Variants in MED13L observed in about 807,000 individuals in gnomAD.
The protein encoded by MED13L is mediator of RNA polymerase II transcription subunit 13-like.
A neutral mutation model predicts 220.9 loss-of-function variants in MED13L; 7 were observed. That is an observed-to-expected ratio of 0.03 (90% confidence interval 0.02 to 0.06). MED13L has a LOEUF of 0.06. Among genes scored for constraint, MED13L ranks in the 10% least tolerant of loss-of-function variants. The probability of loss-of-function intolerance (pLI) is 1.00; values close to 1 mark genes in which losing one functional copy is unlikely to be tolerated. For missense variants in MED13L, 1,965 were observed against 2,760.5 expected (o/e 0.71, Z 6.46); for synonymous variants, 1,011 against 1,015.2 (o/e 1.00, Z 0.08).
At chr12:115,990,776 A>G (rs762828437) in intron 17 of MED13L, among the ~76,000 whole-genome samples, 5 of 152,198 alleles carry the variant, frequency 3.3e-5, no homozygotes, top group Non-Finnish European at 5.9e-5. Flanking sequence ...TAGACTGCTT[A>G]CTTATGAGTT....
At chr12:116,131,733 C>T (rs1876083197) in intron 2 of MED13L, among the ~76,000 whole-genome samples, 1 of 152,196 alleles carries the variant, frequency 6.6e-6, no homozygotes, top group Non-Finnish European at 1.5e-5. Flanking sequence ...AATCCCAGCA[C>T]TTTGGGAGGC....
intron 2 of MED13L, among the ~76,000 whole-genome samples, chr12:116,225,044 G>C (rs556649530): frequency 6.6e-6 from 1 of 152,094 alleles, no homozygotes; most frequent in East Asian, 1.9e-4. Context: ...GCATCCTCTC[G>C]TACACCATTT....
intron 2 of MED13L, among the ~76,000 whole-genome samples, chr12:116,210,562 T>TAC (rs1259551654): frequency 8.6e-6 from 1 of 116,316 alleles, no homozygotes; most frequent in Non-Finnish European, 2.1e-5. Flanking sequence ...TATATATATA[T>TAC]ATATATATAT....
rs1450547003 is a variant in MED13L, at chr12:116,019,407, C to T, written c.826G>A (p.Val276Ile). Residue 276 changes from valine (V) to isoleucine (I), a missense_variant, in exon 7 of 31, where the codon GTT becomes ATT. By Grantham distance (29) the Val-to-Ile change is conservative (BLOSUM62 3). Around this residue, in one of 10 missense-constraint regions of MED13L, gnomAD observed 818 missense variants for 1,041.2 expected, o/e 0.79. Transcript: ENST00000281928. ...PVAVEVIVGG[V>I]RMVYPSAFVL... is the part of the protein sequence containing the mutation. ...AATGCTGAAGGGTAAACCATCCGAA[C>T]ACCACCTATAAGCAAAGAGAACAAG... The T allele has an allele frequency of 1.2e-6, 2 of 1,613,714 alleles. No homozygotes were observed. Among genetic ancestry groups the T allele is most frequent in the African/African-American group, 2.7e-5 (2 of 74,910 alleles).
intron 2 of MED13L, among the ~76,000 whole-genome samples, chr12:116,193,206 G>T (rs1593150738): frequency 6.6e-6 from 1 of 152,166 alleles, no homozygotes; most frequent in Non-Finnish European, 1.5e-5. Context: ...AGCTGCTTGG[G>T]AGGCTGAAGT....
intron 2 of MED13L, among the ~76,000 whole-genome samples, chr12:116,123,091 C>T (rs1164143752): frequency 1.3e-5 from 2 of 152,122 alleles, no homozygotes; most frequent in Non-Finnish European, 2.9e-5. Flanking sequence ...AAATGATTAA[C>T]ATGCTCTTAA....
At chr12:115,996,130 G>T (rs759875926) in intron 16 of MED13L, among the ~76,000 whole-genome samples, 1 of 151,438 alleles carries the variant, frequency 6.6e-6, no homozygotes, top group African/African-American at 2.4e-5. Context: ...TCACTCTGTC[G>T]CCCAGGCTGG....
intron 2 of MED13L, among the ~76,000 whole-genome samples, chr12:116,165,353 C>T (rs1027690526): frequency 4.1e-4 from 56 of 136,542 alleles, no homozygotes; most frequent in African/African-American, 1.1e-3. Context: ...ATTTTTGAGA[C>T]GGAGTCTCAC....
At chr12:116,061,550 T>C (rs995942653) in intron 4 of MED13L, among the ~76,000 whole-genome samples, 1 of 152,176 alleles carries the variant, frequency 6.6e-6, no homozygotes, top group Non-Finnish European at 1.5e-5. Flanking sequence ...AAATAAGTGA[T>C]AACCTTCAGG....
At chr12:116,250,025 T>TAAAAAAA (rs71095516) in intron 1 of MED13L, among the ~76,000 whole-genome samples, 53 of 40,450 alleles carry the variant, frequency 1.3e-3, no homozygotes, top group African/African-American at 1.6e-3. Flanking sequence ...CAGCATAAAC[T>TAAAAAAA]AAAAAAAAAA....
intron 2 of MED13L, among the ~76,000 whole-genome samples, chr12:116,210,695 C>G (rs1463741546): frequency 6.6e-6 from 1 of 150,748 alleles, no homozygotes; most frequent in Non-Finnish European, 1.5e-5. Flanking sequence ...TACACAAAAG[C>G]AATAAAGAAT....
intron 2 of MED13L, chr12:116,174,754 T>C (rs1258195102): frequency 1.3e-5 from 2 of 152,228 alleles, no homozygotes; most frequent in Admixed American, 6.5e-5. Context: ...ATAAAATACA[T>C]GTGTAAACTT....
chr12:116,218,338 T>C (rs1008282779), intron 2 of MED13L, among the ~76,000 whole-genome samples: 5 of 152,196 alleles, frequency 3.3e-5, no homozygotes, highest in Non-Finnish European at 7.3e-5. Context: ...CTTCTAAATA[T>C]AACAAAGTCA....
At chr12:116,179,727 A>G (rs1158091842) in intron 2 of MED13L, among the ~76,000 whole-genome samples, 2 of 152,080 alleles carry the variant, frequency 1.3e-5, no homozygotes, top group African/African-American at 2.4e-5. Context: ...AAAGAATAGA[A>G]GAAAGAAAAA....
At chr12:116,061,113 T>C (rs1397364837) in intron 4 of MED13L, among the ~76,000 whole-genome samples, 1 of 152,236 alleles carries the variant, frequency 6.6e-6, no homozygotes, top group Non-Finnish European at 1.5e-5. Flanking sequence ...GACTATAGAT[T>C]ACTTTTCTCA....
rs1224012787 is a variant in MED13L at position 116,206,157 on chromosome 12, T to C, written c.310+31311A>G. Among the ~76,000 whole-genome samples the C allele has an allele frequency of 4.2e-5, 6 of 142,120 alleles. No homozygotes were observed. The Admixed American group carries it at 4.4e-4, about 11-fold the overall frequency. 93.2% of individuals were successfully genotyped at this position (142,120 alleles called of 152,430 possible). On this transcript the variant is annotated intron_variant, in intron 2 of 30. Coordinates refer to ENST00000281928, the MANE Select transcript of MED13L (RefSeq NM_015335.5). Reference sequence around the variant, plus strand: ...GTACAGTGGCGTGATCTTGGCTCACTGCGACCTCCTCCTCCTGGGTTCAAG... The same window carrying C: ...GTACAGTGGCGTGATCTTGGCTCACCGCGACCTCCTCCTCCTGGGTTCAAG...
chr12:116,039,372 T>C (rs2137535468), intron 4 of MED13L, among the ~76,000 whole-genome samples: 1 of 152,294 alleles, frequency 6.6e-6, no homozygotes, highest in East Asian at 1.9e-4. Flanking sequence ...AAAAGAGAAA[T>C]AAAATTGGAG....
intron 2 of MED13L, among the ~76,000 whole-genome samples, chr12:116,228,705 A>T (rs1219233637): frequency 1.3e-5 from 2 of 152,184 alleles, no homozygotes; most frequent in African/African-American, 4.8e-5. Context: ...AGAAGGTGTT[A>T]TTCCCTATAA....
intron 2 of MED13L, among the ~76,000 whole-genome samples, chr12:116,212,136 G>A (rs1442607805): frequency 6.7e-6 from 1 of 150,278 alleles, no homozygotes; most frequent in Non-Finnish European, 1.5e-5. Flanking sequence ...AACAAAATCA[G>A]GTTTTTTTCC....
Sources: gnomAD v4.1 joint callset for allele counts (sites outside exome capture counted in the v4.1 genomes callset) on GRCh38, gnomAD v4.1.1 for gene constraint, gnomAD v4.1.1 regional missense constraint, MANE v1.5 for transcripts, NCBI Gene and HGNC (gene_info 2026-07-23, HGNC 2026-07-21) for gene names.